The following ZNF787 variants were observed in gnomAD, a reference collection of about 807,000 sequenced individuals.
ZNF787 encodes the protein TTF-I-interacting peptide 20.
Under a neutral mutation model 16.9 loss-of-function variants are expected in ZNF787, and 7 were observed. The ratio of observed to expected loss-of-function variants is 0.42; its 90% CI spans 0.24 to 0.78. The LOEUF (loss-of-function observed/expected upper bound fraction) is 0.78, where lower values mean the gene tolerates loss of function less well. ZNF787 is among the 30% of genes least tolerant of loss of function. The pLI, the probability that ZNF787 is intolerant of heterozygous loss-of-function variation, is 0.30. For missense variants in ZNF787, 551 were observed against 589.3 expected, an observed-to-expected ratio of 0.94 and a Z score of 0.67; for synonymous variants, 345 against 270.9, an observed-to-expected ratio of 1.27 and a Z score of -2.69.
intron 2 of ZNF787, among the ~76,000 whole-genome samples, chr19:56,094,047 G>A (rs1189882212): frequency 1.3e-5 from 2 of 151,536 alleles, no homozygotes; most frequent in East Asian, 1.9e-4. Flanking sequence ...ATTTTGAGAC[G>A]CAGTCTCACT....
intron 1 of ZNF787, among the ~76,000 whole-genome samples, chr19:56,117,493 C>G (rs549511739): frequency 1.4e-5 from 2 of 142,364 alleles, no homozygotes; most frequent in African/African-American, 2.7e-5. Flanking sequence ...CAATCTCACA[C>G]AGCCACAGCG....
chr19:56,107,657 G>A (rs1321534918), intron 1 of ZNF787, among the ~76,000 whole-genome samples: 1 of 151,970 alleles, frequency 6.6e-6, no homozygotes, highest in Non-Finnish European at 1.5e-5. Context: ...CACACGGGGA[G>A]GGGGGCCTAG....
chr19:56,103,844 T>C (rs587635), intron 1 of ZNF787, among the ~76,000 whole-genome samples: 48,098 of 53,482 alleles, frequency 0.9, 21,592 homozygotes, highest in South Asian at 0.95. Context: ...CGGGAGGGTC[T>C]CTACGCACGA....
intron 1 of ZNF787, among the ~76,000 whole-genome samples, chr19:56,117,910 C>A (rs771115276): frequency 1.8e-4 from 27 of 152,344 alleles, no homozygotes; most frequent in Admixed American, 3.9e-4. Flanking sequence ...TGCAAGGCCT[C>A]GAAACAGGGG....
chr19:56,100,130 G>A (rs1298021133), intron 2 of ZNF787, among the ~76,000 whole-genome samples: 5 of 152,182 alleles, frequency 3.3e-5, no homozygotes, highest in Admixed American at 2.0e-4. Flanking sequence ...GGAAGGGTCC[G>A]GGGTGAGGGC....
intron 1 of ZNF787, among the ~76,000 whole-genome samples, chr19:56,107,816 C>T (rs942373897): frequency 1.3e-5 from 2 of 149,974 alleles, no homozygotes; most frequent in African/African-American, 2.5e-5. Context: ...GCTTGAAGGC[C>T]GGGCATGCTG....
At position 56,087,898 on chromosome 19, in the gene ZNF787, G is replaced by C. The variant is rs1047072752; in HGVS notation, c.*125C>G. 2.1e-5 allele frequency: 27 copies of C among 1,270,146 alleles called. No individual in the cohort carries two copies. The highest frequency in any genetic ancestry group is 6.9e-5 in the South Asian group (3 of 43,754). The allele number at this position is 1,270,146 out of a possible 1,614,324, so 78.7% of individuals were successfully genotyped here. A position where few individuals can be genotyped will look rare whatever the true frequency, so the allele number is the denominator to read the frequency against. On this transcript the variant is annotated 3_prime_UTR_variant, in exon 3 of 3. Transcript: ENST00000610935. The stretch of plus-strand genomic sequence containing the variant: ...ACGGCGCAGGGACAGAGGAGGGCGG[G>C]GAGCCGGGGATGCCGCGGGGTCCAT...
rs1385385669 is a variant in ZNF787, at chr19:56,103,232, T to G, written c.-10-5A>C. The G allele has an allele frequency of 3.2e-6, 5 of 1,542,192 alleles. No individual in the cohort carries two copies. The highest frequency in any genetic ancestry group is 4.4e-6 in the Non-Finnish European group (5 of 1,144,612). On this transcript the variant is annotated splice_polypyrimidine_tract_variant and splice_region_variant and intron_variant, in intron 1 of 2. Transcript: ENST00000610935. ...CGCAGCTCCATGTCTGGGTCCCTGT[T>G]AGAAGGGGATGAGACAGAAGGACAG...
At chr19:56,096,151 T>G (rs1042339535) in intron 2 of ZNF787, among the ~76,000 whole-genome samples, 1 of 151,730 alleles carries the variant, frequency 6.6e-6, no homozygotes, top group Non-Finnish European at 1.5e-5. Flanking sequence ...CCCAACTACT[T>G]AGGAGGCCAA....
At chr19:56,112,243 A>C (rs1301352019) in intron 1 of ZNF787, among the ~76,000 whole-genome samples, 2 of 152,140 alleles carry the variant, frequency 1.3e-5, no homozygotes, top group Non-Finnish European at 1.5e-5. Context: ...GGGCTATTCA[A>C]GGAATCTACC....
chr19:56,120,867 A>ACGCG (rs2030273839), intron 1 of ZNF787, among the ~76,000 whole-genome samples: 4 of 19,616 alleles, frequency 2.0e-4, no homozygotes, highest in Non-Finnish European at 3.1e-4. Context: ...TGCCCCCGCC[A>ACGCG]CGCGCACGCG....
intron 1 of ZNF787, among the ~76,000 whole-genome samples, chr19:56,110,401 T>C (rs1167640425): frequency 1.3e-5 from 2 of 151,934 alleles, no homozygotes; most frequent in Non-Finnish European, 2.9e-5. Context: ...CGAAATGTTG[T>C]AATACATTAA....
chr19:56,105,458 A>G (rs1986266050), intron 1 of ZNF787: 1 of 152,260 alleles, frequency 6.6e-6, no homozygotes. Flanking sequence ...ACTGCCAGTT[A>G]CGGATCTCTT....
chr19:56,112,878 T>TGGGCCCCCCCCC (rs2030021420), intron 1 of ZNF787, among the ~76,000 whole-genome samples: 1 of 126,346 alleles, frequency 7.9e-6, no homozygotes. Flanking sequence ...GACCAGCCGT[T>TGGGCCCCCCCCC]CCCCCCACCC....
intron 1 of ZNF787, among the ~76,000 whole-genome samples, chr19:56,113,686 G>C (rs1351372313): frequency 3.8e-5 from 1 of 26,438 alleles, no homozygotes; most frequent in Non-Finnish European, 5.4e-4. Flanking sequence ...CAGGAACCGG[G>C]ACGCAGGGAG....
intron 1 of ZNF787, among the ~76,000 whole-genome samples, chr19:56,106,010 G>A (rs1455827717): frequency 1.0e-5 from 1 of 96,172 alleles, no homozygotes; most frequent in Non-Finnish European, 2.0e-5. Context: ...GGCAGTCACC[G>A]CGCATTCCGC....
At chr19:56,090,033 C>G (rs1023973886) in intron 2 of ZNF787, among the ~76,000 whole-genome samples, 66 of 152,136 alleles carry the variant, frequency 4.3e-4, no homozygotes, top group African/African-American at 1.6e-3. Flanking sequence ...CCCGTGGACA[C>G]CCCAGGTGCA....
At chr19:56,096,034 T>C (rs1468738773) in intron 2 of ZNF787, among the ~76,000 whole-genome samples, 1 of 152,082 alleles carries the variant, frequency 6.6e-6, no homozygotes, top group Non-Finnish European at 1.5e-5. Flanking sequence ...GTTGCCGTGT[T>C]TTTATGCAGG....
chr19:56,092,720 G>A (rs1177387289), intron 2 of ZNF787, among the ~76,000 whole-genome samples: 1 of 152,006 alleles, frequency 6.6e-6, no homozygotes, highest in Non-Finnish European at 1.5e-5. Flanking sequence ...GATGGCGGGA[G>A]TGGGATACCC....
Sources: allele counts gnomAD v4.1 joint callset (sites outside exome capture counted in the v4.1 genomes callset), GRCh38; gene constraint gnomAD v4.1.1; transcripts MANE v1.5; gene names NCBI Gene and HGNC (gene_info 2026-07-23, HGNC 2026-07-21).